The following TP63 variants were observed in gnomAD, a reference collection of about 807,000 sequenced individuals.
TP63 encodes tumor protein p63.
Under a neutral mutation model 82.8 loss-of-function variants are expected in TP63, and 17 were observed. The observed-to-expected ratio is 0.21, with a 90% CI of 0.14 to 0.31. TP63 has a LOEUF of 0.31. Among genes scored for constraint, TP63 ranks in the 10% least tolerant of loss-of-function variants. The pLI is 1.00. For synonymous variants in TP63, 330 were observed against 321.7 expected (o/e 1.03, Z -0.28); for missense variants, 648 against 895.3 (o/e 0.72, Z 3.52).
intron 4 of TP63, among the ~76,000 whole-genome samples, chr3:189,848,240 T>C (rs59488638): frequency 0.28 from 14,975 of 54,296 alleles, 880 homozygotes; most frequent in African/African-American, 0.36. Context: ...TCCTCCTCCT[T>C]CTCTCTCTCT....
intron 3 of TP63, among the ~76,000 whole-genome samples, chr3:189,801,874 T>G (rs983380093): frequency 2.0e-5 from 3 of 152,246 alleles, no homozygotes; most frequent in Admixed American, 2.0e-4. Flanking sequence ...ATATTAAGTA[T>G]TCACTTTTTA....
intron 1 of TP63, among the ~76,000 whole-genome samples, chr3:189,693,277 A>G (rs545908618): frequency 6.6e-6 from 1 of 152,174 alleles, no homozygotes; most frequent in East Asian, 1.9e-4. Flanking sequence ...AATTCTTCCA[A>G]TTGCTTGCAC....
intron 4 of TP63, among the ~76,000 whole-genome samples, chr3:189,845,241 A>G (rs148066225): frequency 1.9e-3 from 288 of 152,340 alleles, no homozygotes; most frequent in African/African-American, 6.7e-3. Flanking sequence ...TTTTTGAACT[A>G]GAAGCCATAA....
chr3:189,862,426 C>G (rs1456279643), intron 4 of TP63, among the ~76,000 whole-genome samples: 1 of 152,052 alleles, frequency 6.6e-6, no homozygotes, highest in African/African-American at 2.4e-5. Flanking sequence ...ATACTGTACT[C>G]TCTCGAGCTT....
chr3:189,767,024 A>G (rs1477148582), intron 3 of TP63, among the ~76,000 whole-genome samples: 1 of 152,142 alleles, frequency 6.6e-6, no homozygotes, highest in Non-Finnish European at 1.5e-5. Flanking sequence ...TAAGGTATAA[A>G]TTGTGGAACA....
chr3:189,663,047 A>C (rs1168466679), intron 1 of TP63, among the ~76,000 whole-genome samples: 4 of 152,090 alleles, frequency 2.6e-5, no homozygotes, highest in African/African-American at 9.7e-5. Flanking sequence ...TTGCAAAATA[A>C]ACATTTTAGA....
chr3:189,862,476 T>C (rs1257584779), intron 4 of TP63, among the ~76,000 whole-genome samples: 2 of 152,212 alleles, frequency 1.3e-5, no homozygotes, highest in African/African-American at 4.8e-5. Flanking sequence ...AATGTTTTCC[T>C]TAAGAAACTT....
rs367763002 is a variant in TP63, at chr3:189,819,747, C to CTTTTTT, written c.579+11238_579+11243dup. Among the ~76,000 whole-genome samples, 3 of 89,858 alleles carry CTTTTTT rather than the reference C, an allele frequency of 3.3e-5. 1 individual carries two copies. Among genetic ancestry groups the CTTTTTT allele is most frequent in the African/African-American group, 8.3e-5 (2 of 24,130 alleles). The allele number at this position is 89,858 out of a possible 152,430, so 59.0% of individuals were successfully genotyped here. A position where few individuals can be genotyped will look rare whatever the true frequency, so the allele number is the denominator to read the frequency against. ...TCACTGGTAATGGATTATATTTTACCTTTTTTTTTTTTTTTTTTTTTTGAG... is the reference window on the plus strand; with the variant it reads ...TCACTGGTAATGGATTATATTTTACCTTTTTTTTTTTTTTTTTTTTTTTTTTTTGAG... On this transcript the variant is annotated intron_variant, in intron 4 of 13. Coordinates refer to ENST00000264731, the MANE Select transcript of TP63 (RefSeq NM_003722.5).
At position 189,895,488 on chromosome 3, in the gene TP63, TG is replaced by T; in HGVS notation, c.*987del. On this transcript the variant is annotated 3_prime_UTR_variant, in exon 14 of 14. Transcript: ENST00000264731. ...ACTAACTCAAATACACATTTGCTAC[TG>T]TTGTAAGAATTCTGATTGATTTGAT... The T allele has an allele frequency of 4.6e-6, 1 of 219,738 alleles. No individual in the cohort carries two copies. The highest frequency in any genetic ancestry group is 6.8e-5 in the East Asian group (1 of 14,776). 13.6% of individuals were successfully genotyped at this position (219,738 alleles called of 1,614,324 possible).
At chr3:189,788,973 A>T (rs890912815) in intron 3 of TP63, among the ~76,000 whole-genome samples, 2 of 151,626 alleles carry the variant, frequency 1.3e-5, no homozygotes, top group African/African-American at 4.8e-5. Context: ...GGACACATTT[A>T]TCAGGATTCC....
chr3:189,834,374 G>A (rs1168463347), intron 4 of TP63, among the ~76,000 whole-genome samples: 1 of 152,050 alleles, frequency 6.6e-6, no homozygotes, highest in Non-Finnish European at 1.5e-5. Context: ...GGAAAGACAG[G>A]GGAAATTATT....
intron 3 of TP63, among the ~76,000 whole-genome samples, chr3:189,763,721 C>T (rs1158491482): frequency 1.3e-5 from 2 of 152,210 alleles, no homozygotes; most frequent in Non-Finnish European, 2.9e-5. Flanking sequence ...GTGTGAAACA[C>T]TCAGTCTGAC....
intron 4 of TP63, among the ~76,000 whole-genome samples, chr3:189,861,421 A>G (rs1717023905): frequency 7.2e-6 from 1 of 139,440 alleles, no homozygotes. Context: ...GGGGTGAGAA[A>G]TGTGTGTGGG....
chr3:189,842,063 G>A (rs1485535605), intron 4 of TP63, among the ~76,000 whole-genome samples: 3 of 152,174 alleles, frequency 2.0e-5, no homozygotes, highest in Admixed American at 6.5e-5. Flanking sequence ...AGTAGCCCGC[G>A]GTTTTGCAGG....
rs1044959417 is a variant in TP63, at chr3:189,848,891, A to G, written c.580-15341A>G. Among the ~76,000 whole-genome samples the G allele has an allele frequency of 2.0e-5, 3 of 152,134 alleles. No individual in the cohort carries two copies. In the South Asian group the frequency reaches 6.2e-4, roughly 32 times the overall value. ...CAAAATGCTGCCTTTTTTGTATGCTAATGCTGGCTCATGGGTTCAGAATGG... is the reference window on the plus strand; with the variant it reads ...CAAAATGCTGCCTTTTTTGTATGCTGATGCTGGCTCATGGGTTCAGAATGG... On this transcript the variant is annotated intron_variant, in intron 4 of 13. Transcript: ENST00000264731.
rs967340898 is a variant in TP63, at chr3:189,894,574, C to A, written c.*72C>A. 2 of 1,567,178 alleles carry A rather than the reference C, an allele frequency of 1.3e-6. No individual in the cohort carries two copies. Among genetic ancestry groups the A allele is most frequent in the African/African-American group, 1.3e-5 (1 of 74,166 alleles). ...CCTAAAAGCACTCCTGCTTAATCTTCAAAGCCTTCTCCCTAGCTCCTCCCC... is the reference window on the plus strand; with the variant it reads ...CCTAAAAGCACTCCTGCTTAATCTTAAAAGCCTTCTCCCTAGCTCCTCCCC... On this transcript the variant is annotated 3_prime_UTR_variant, in exon 14 of 14. Coordinates refer to ENST00000264731, the MANE Select transcript of TP63 (RefSeq NM_003722.5).
the TP63 span, among the ~76,000 whole-genome samples, chr3:189,618,655 G>A: frequency 6.6e-6 from 1 of 152,154 alleles, no homozygotes; most frequent in South Asian, 2.1e-4. Context: ...AGACACAGAG[G>A]AGAGCCAGGA....
chr3:189,619,933 C>T, the TP63 span, among the ~76,000 whole-genome samples: 11 of 152,274 alleles, frequency 7.2e-5, 1 homozygote, highest in African/African-American at 2.6e-4. Flanking sequence ...CACTCTTGGA[C>T]CTCTCTCAGG....
chr3:189,600,478 T>C, the TP63 span, among the ~76,000 whole-genome samples: 1 of 152,222 alleles, frequency 6.6e-6, no homozygotes, highest in African/African-American at 2.4e-5. Flanking sequence ...GTTTTGTACC[T>C]ATGTAGCAGA....
Sources: allele counts gnomAD v4.1 joint callset (sites outside exome capture counted in the v4.1 genomes callset), GRCh38; gene constraint gnomAD v4.1.1; transcripts MANE v1.5; gene names NCBI Gene and HGNC (gene_info 2026-07-23, HGNC 2026-07-21).